The following RABGAP1L variants were observed in gnomAD, a reference collection of about 807,000 sequenced individuals.
RABGAP1L encodes the protein RAB GTPase activating protein 1 like.
Under a neutral mutation model 137.7 loss-of-function variants are expected in RABGAP1L, and 63 were observed. The observed-to-expected ratio is 0.46, with a 90% confidence interval of 0.37 to 0.56. The LOEUF is 0.56. Ranked by LOEUF, RABGAP1L falls within the 20% of genes least tolerant of loss-of-function variation. RABGAP1L has a pLI of 0.00. For synonymous variants in RABGAP1L, 431 were observed against 433.7 expected (o/e 0.99, Z 0.08); for missense variants, 1,095 against 1,244.0 (o/e 0.88, Z 1.80).
chr1:174,216,029 G>A (rs1669293904), intron 1 of RABGAP1L, among the ~76,000 whole-genome samples: 1 of 152,142 alleles, frequency 6.6e-6, no homozygotes, highest in Non-Finnish European at 1.5e-5. Flanking sequence ...TAGGTTAAGT[G>A]AACAGGCACA....
intron 13 of RABGAP1L, among the ~76,000 whole-genome samples, chr1:174,477,831 C>A (rs538444705): frequency 2.4e-4 from 36 of 151,904 alleles, no homozygotes; most frequent in Non-Finnish European, 4.4e-4. Context: ...CCAGTAAGTG[C>A]TTTGAGATCA....
intron 13 of RABGAP1L, among the ~76,000 whole-genome samples, chr1:174,535,737 A>T (rs1000590888): frequency 6.6e-6 from 1 of 152,204 alleles, no homozygotes; most frequent in African/African-American, 2.4e-5. Context: ...AAAGGAAAAT[A>T]TATTAATTGT....
chr1:174,890,532 C>G (rs572815494), intron 19 of RABGAP1L, among the ~76,000 whole-genome samples: 41 of 152,242 alleles, frequency 2.7e-4, no homozygotes, highest in Middle Eastern at 3.4e-3. Context: ...GATTTTTAAG[C>G]TCTTACAATT....
intron 10 of RABGAP1L, among the ~76,000 whole-genome samples, chr1:174,296,775 A>T (rs1040668114): frequency 4.6e-5 from 7 of 152,208 alleles, no homozygotes; most frequent in Non-Finnish European, 7.3e-5. Flanking sequence ...TGTTGATACC[A>T]GCTGTTGCTA....
chr1:174,666,173 T>C (rs952909716), intron 14 of RABGAP1L, among the ~76,000 whole-genome samples: 29 of 152,320 alleles, frequency 1.9e-4, no homozygotes, highest in African/African-American at 7.0e-4. Flanking sequence ...ATTTTTTACT[T>C]GGTTGTTCCC....
At chr1:174,636,603 A>C (rs1290329711) in intron 13 of RABGAP1L, among the ~76,000 whole-genome samples, 2 of 151,840 alleles carry the variant, frequency 1.3e-5, no homozygotes, top group African/African-American at 2.4e-5. Flanking sequence ...TTTGTTGGGT[A>C]ATTAACCTGG....
At chr1:174,493,515 G>T (rs1660454180) in intron 13 of RABGAP1L, among the ~76,000 whole-genome samples, 1 of 152,002 alleles carries the variant, frequency 6.6e-6, no homozygotes, top group Admixed American at 6.5e-5. Context: ...CAATATTAAA[G>T]TTGATGATAA....
chr1:174,278,650 A>G lies in RABGAP1L; in HGVS notation c.1194A>G (p.Val398=). 1.9e-6 allele frequency: 3 copies of G among 1,613,480 alleles called. No homozygotes were observed. The highest frequency in any genetic ancestry group is 2.5e-6 in the Non-Finnish European group (3 of 1,179,702). The change falls in exon 10 of 26, where the codon GTA becomes GTG. Residue 398 remains valine, a synonymous_variant. Coordinates refer to ENST00000681986, the MANE Select transcript of RABGAP1L (RefSeq NM_001366446.1). The part of the protein sequence containing the change: ...QVYMTVAVDM[V]VTEVVEPVRF... The stretch of plus-strand genomic sequence containing the variant: ...ACATGACTGTGGCAGTGGATATGGT[A>G]GTCACAGAGGTGGTGGAGCCTGTTC...
At chr1:174,562,968 C>T (rs1667323811) in intron 13 of RABGAP1L, among the ~76,000 whole-genome samples, 1 of 151,900 alleles carries the variant, frequency 6.6e-6, no homozygotes, top group African/African-American at 2.4e-5. Context: ...CAAAACTGCA[C>T]GTTCTGCACA....
At chr1:174,651,858 G>A (rs557851834) in intron 14 of RABGAP1L, among the ~76,000 whole-genome samples, 15 of 152,248 alleles carry the variant, frequency 9.9e-5, no homozygotes, top group African/African-American at 3.6e-4. Flanking sequence ...ATTGTTATGT[G>A]TGAATTTGAT....
chr1:174,775,834 A>G (rs985304329), intron 18 of RABGAP1L, among the ~76,000 whole-genome samples: 1 of 152,176 alleles, frequency 6.6e-6, no homozygotes, highest in Non-Finnish European at 1.5e-5. Flanking sequence ...ACAGTTCACT[A>G]ATGTGTTTTC....
At chr1:174,530,135 G>A (rs1347824207) in intron 13 of RABGAP1L, among the ~76,000 whole-genome samples, 1 of 149,588 alleles carries the variant, frequency 6.7e-6, no homozygotes. Flanking sequence ...GCCTTCAGTG[G>A]CAGGCAGCCT....
At chr1:174,281,043 G>C (rs546424838) in intron 10 of RABGAP1L, among the ~76,000 whole-genome samples, 2 of 152,176 alleles carry the variant, frequency 1.3e-5, no homozygotes, top group Admixed American at 1.3e-4. Context: ...CGGTGGGTTC[G>C]TGATCTTGCT....
At chr1:174,624,684 G>A (rs1273508440) in intron 13 of RABGAP1L, among the ~76,000 whole-genome samples, 1 of 152,026 alleles carries the variant, frequency 6.6e-6, no homozygotes, top group Admixed American at 6.6e-5. Context: ...AAACATAAAG[G>A]TCAGAAAAAT....
intron 13 of RABGAP1L, among the ~76,000 whole-genome samples, chr1:174,601,024 A>C (rs1262077189): frequency 6.6e-6 from 1 of 152,216 alleles, no homozygotes; most frequent in Non-Finnish European, 1.5e-5. Flanking sequence ...ATCTAGGTGG[A>C]GGTTCCCAAA....
intron 19 of RABGAP1L, among the ~76,000 whole-genome samples, chr1:174,882,572 A>G (rs1427894382): frequency 6.6e-6 from 1 of 152,194 alleles, no homozygotes; most frequent in Non-Finnish European, 1.5e-5. Flanking sequence ...ACTAAATTGA[A>G]TTCAGAAATC....
chr1:174,993,452 T>C lies in RABGAP1L; in HGVS notation c.*3451T>C, dbSNP rs1672185507. ...TTATTTTTCTCCAACCCCTGCTCCA[T>C]TTTCTTAAAATATTTTCCAGTTAAT... is the stretch of plus-strand genomic sequence containing the variant. On this transcript the variant is annotated 3_prime_UTR_variant, in exon 26 of 26. Transcript: ENST00000681986. 1 of 152,256 alleles carries C rather than the reference T, an allele frequency of 6.6e-6. No homozygotes were observed. The highest frequency in any genetic ancestry group is 1.5e-5 in the Non-Finnish European group (1 of 68,044). 9.4% of individuals were successfully genotyped at this position (152,256 alleles called of 1,614,324 possible). A position where few individuals can be genotyped will look rare whatever the true frequency, so the allele number is the denominator to read the frequency against.
At chr1:174,823,085 TTAAC>T (rs1174888770) in intron 19 of RABGAP1L, among the ~76,000 whole-genome samples, 2 of 152,232 alleles carry the variant, frequency 1.3e-5, no homozygotes, top group African/African-American at 2.4e-5. Flanking sequence ...CCATGCATAA[TTAAC>T]AACAAAAAGA....
chr1:174,361,733 A>G (rs1684160689), intron 11 of RABGAP1L, among the ~76,000 whole-genome samples: 1 of 152,072 alleles, frequency 6.6e-6, no homozygotes, highest in Admixed American at 6.6e-5. Flanking sequence ...AGCAAGTTTA[A>G]TGTGACTTCT....
Sources: allele counts gnomAD v4.1 joint callset (sites outside exome capture counted in the v4.1 genomes callset), GRCh38; gene constraint gnomAD v4.1.1; transcripts MANE v1.5; gene names NCBI Gene and HGNC (gene_info 2026-07-23, HGNC 2026-07-21).